The following CFAP97 variants were observed in gnomAD, a reference collection of about 807,000 sequenced individuals.
CFAP97 encodes the protein cilia- and flagella-associated protein 97.
In CFAP97, 36 loss-of-function variants were observed where a neutral mutation model predicts 43.1. The ratio of observed to expected loss-of-function variants is 0.84; its 90% CI spans 0.64 to 1.10. The LOEUF is 1.10. Among genes scored for constraint, CFAP97 ranks in the 50% least tolerant of loss-of-function variants. The probability of loss-of-function intolerance (pLI) is 0.00; values close to 1 mark genes in which losing one functional copy is unlikely to be tolerated. For missense variants in CFAP97, 657 were observed against 620.3 expected (o/e 1.06, Z -0.63); for synonymous variants, 228 against 225.7 (o/e 1.01, Z -0.09).
chr4:185,174,282 G>A (rs984159421), intron 3 of CFAP97, among the ~76,000 whole-genome samples: 1 of 152,126 alleles, frequency 6.6e-6, no homozygotes, highest in Non-Finnish European at 1.5e-5. Flanking sequence ...AAATTTCCAC[G>A]AAACATGAAC....
intron 2 of CFAP97, among the ~76,000 whole-genome samples, chr4:185,179,686 C>T (rs550468497): frequency 2.6e-5 from 4 of 152,272 alleles, no homozygotes; most frequent in South Asian, 4.1e-4. Flanking sequence ...GTAGTCCCGG[C>T]CACTGAGTCA....
intron 2 of CFAP97, among the ~76,000 whole-genome samples, chr4:185,183,634 T>C (rs1263945150): frequency 1.3e-5 from 2 of 152,228 alleles, no homozygotes; most frequent in Non-Finnish European, 2.9e-5. Flanking sequence ...CGAGCATGAA[T>C]GATAATTTTG....
intron 2 of CFAP97, among the ~76,000 whole-genome samples, chr4:185,182,727 T>C (rs1336750267): frequency 1.3e-5 from 2 of 152,240 alleles, no homozygotes; most frequent in Non-Finnish European, 2.9e-5. Flanking sequence ...TGCCCTATAC[T>C]GGTAGATTCA....
intron 2 of CFAP97, among the ~76,000 whole-genome samples, chr4:185,179,658 C>T (rs1373661207): frequency 6.6e-6 from 1 of 152,164 alleles, no homozygotes; most frequent in African/African-American, 2.4e-5. Flanking sequence ...GATGTGAAAA[C>T]ACAGCACTGG....
In CFAP97 at chr4:185,209,163, G is replaced by C. The variant is rs1379877531; in HGVS notation, c.-74+162C>G. Among the ~76,000 whole-genome samples, 1 of 152,204 alleles carries C rather than the reference G, an allele frequency of 6.6e-6. No individual in the cohort carries two copies. The highest frequency in any genetic ancestry group is 1.5e-5 in the Non-Finnish European group (1 of 68,034). The stretch of plus-strand genomic sequence containing the variant: ...GTCTGATTCCTTCCCTAAGGCGGCA[G>C]GGTGGGAAAGGGAAGGTCGTTAGAA... On this transcript the variant is annotated intron_variant, in intron 1 of 2. Coordinates refer to the CFAP97 transcript ENST00000503223. This position sits in a 1 kb window ranked among gnomAD's most constrained non-coding sequence, Gnocchi z 5.2.
intron 1 of CFAP97, among the ~76,000 whole-genome samples, chr4:185,193,070 T>TA (rs1262674007): frequency 6.6e-6 from 1 of 151,770 alleles, no homozygotes; most frequent in Admixed American, 6.6e-5. Flanking sequence ...TATTCTCCAC[T>TA]AAAAAACCCC....
chr4:185,163,915 AC>A, intron 4 of CFAP97, 113 bp downstream of exon 4: 1 of 913,818 alleles, frequency 1.1e-6, no homozygotes, highest in Non-Finnish European at 1.7e-6. Context: ...GTGGGAAATA[AC>A]AGAACGCATT....
chr4:185,207,210 CTTTTTTTTTTTTT>C (rs34373262), upstream of CFAP97, among the ~76,000 whole-genome samples: 14 of 76,816 alleles, frequency 1.8e-4, no homozygotes, highest in South Asian at 4.8e-4. Flanking sequence ...ACCAGTCACA[CTTTTTTTTTTTTT>C]TTTTTTTTTT....
chr4:185,184,236 C>A (rs1205746719), intron 2 of CFAP97, among the ~76,000 whole-genome samples: 3 of 152,198 alleles, frequency 2.0e-5, no homozygotes, highest in Admixed American at 2.0e-4. Context: ...CCTGGGTTAA[C>A]CGTATGCATA....
intron 2 of CFAP97, among the ~76,000 whole-genome samples, chr4:185,187,945 G>A (rs1466114812): frequency 6.6e-6 from 1 of 152,058 alleles, no homozygotes; most frequent in Non-Finnish European, 1.5e-5. Flanking sequence ...TCGCCAGGCT[G>A]GAGTGCAGTG....
chr4:185,192,929 A>G lies in CFAP97; in HGVS notation c.-16-1717T>C, dbSNP rs568223967. Among the ~76,000 whole-genome samples the G allele has an allele frequency of 4.2e-3, 643 of 151,882 alleles. 4 individuals are homozygous for G. The highest frequency in any genetic ancestry group is 0.011 in the African/African-American group (476 of 41,422). On this transcript the variant is annotated intron_variant, in intron 1 of 4. Transcript: ENST00000458385. ...CTAATTTTTTGTAGTTTTAGTAGAGACGGGGTTTCACCGTGTTATCCAGGA... is the reference window on the plus strand; with the variant it reads ...CTAATTTTTTGTAGTTTTAGTAGAGGCGGGGTTTCACCGTGTTATCCAGGA...
intron 1 of CFAP97, among the ~76,000 whole-genome samples, chr4:185,197,427 ATT>A (rs200250759): frequency 8.3e-5 from 12 of 144,434 alleles, no homozygotes; most frequent in African/African-American, 1.3e-4. Flanking sequence ...TTGTTTTTGA[ATT>A]TTTTTTTTTT....
intron 2 of CFAP97, chr4:185,182,566 A>C (rs768057422): frequency 2.6e-5 from 4 of 152,214 alleles, no homozygotes; most frequent in Non-Finnish European, 5.9e-5. Flanking sequence ...CTAGCAACCT[A>C]TATCAACAAT....
At position 185,162,832 on chromosome 4, in the gene CFAP97, G is replaced by C. The variant is rs1560851785; in HGVS notation, c.1565C>G (p.Pro522Arg). 6.2e-7 allele frequency: 1 copy of C among 1,612,938 alleles called. No homozygotes were observed. ...AGCTGTACGGACATTAGGGGGTTTA[G>C]GTCTTCTTCGAGGGTGGCCACTGGA... is the stretch of plus-strand genomic sequence containing the variant. Reference protein sequence around the residue: ...DPSSGHPRRRPKPPNVRTAWL With the variant: ...DPSSGHPRRRRKPPNVRTAWL Residue 522 changes from proline to arginine, a missense_variant, in exon 5 of 5, where the codon CCT becomes CGT. Coordinates refer to ENST00000458385, the MANE Select transcript of CFAP97 (RefSeq NM_020827.3).
intron 3 of CFAP97, among the ~76,000 whole-genome samples, chr4:185,171,216 T>A (rs1323601260): frequency 6.6e-5 from 10 of 152,034 alleles, no homozygotes. Context: ...AATTTGCTAA[T>A]GAGCTAGGCG....
chr4:185,174,751 G>A lies in CFAP97; in HGVS notation c.1320+1035C>T, dbSNP rs192339314. Among the ~76,000 whole-genome samples, 31 of 152,196 alleles carry A rather than the reference G, an allele frequency of 2.0e-4. 1 individual carries two copies. Among genetic ancestry groups the A allele is most frequent in the Admixed American group, 1.9e-3 (29 of 15,286 alleles). On this transcript the variant is annotated intron_variant, in intron 3 of 4. Coordinates refer to ENST00000458385, the MANE Select transcript of CFAP97 (RefSeq NM_020827.3). ...CTGTCTAACCCTCAGTTTTTTCATC[G>A]TGAGATGTGGATAAAAATAGTTATC...
intron 1 of CFAP97, among the ~76,000 whole-genome samples, chr4:185,197,435 T>G (rs1736605311): frequency 6.6e-6 from 1 of 151,982 alleles, no homozygotes; most frequent in South Asian, 2.1e-4. Context: ...GAATTTTTTT[T>G]TTTTTTTTGA....
chr4:185,205,628 A>G (rs1737154394), upstream of CFAP97, among the ~76,000 whole-genome samples: 1 of 152,212 alleles, frequency 6.6e-6, no homozygotes, highest in Non-Finnish European at 1.5e-5. Context: ...CAGGAGTTCC[A>G]GACCAGCCTG....
intron 3 of CFAP97, among the ~76,000 whole-genome samples, chr4:185,170,983 CAAAAAAAAAAAAAAAA>C (rs70962553): frequency 4.1e-5 from 3 of 72,966 alleles, no homozygotes; most frequent in East Asian, 4.6e-4. Flanking sequence ...GACTTTGTCT[CAAAAAAAAAAAAAAAA>C]AAAAAAAAAA....
Sources: gnomAD v4.1 joint callset for allele counts (sites outside exome capture counted in the v4.1 genomes callset) on GRCh38, gnomAD v4.1.1 for gene constraint, Gnocchi (gnomAD v3.1) non-coding constraint, MANE v1.5 for transcripts, NCBI Gene and HGNC (gene_info 2026-07-23, HGNC 2026-07-21) for gene names.